Variants in SCFD2 observed in about 807,000 individuals in gnomAD.
SCFD2 encodes the protein sec1 family domain-containing protein 2.
Under a neutral mutation model 58.9 loss-of-function variants are expected in SCFD2, and 54 were observed. The ratio of observed to expected loss-of-function variants is 0.92; its 90% CI spans 0.74 to 1.15. The LOEUF is 1.15. SCFD2 is among the 50% of genes most tolerant of loss of function. The probability of loss-of-function intolerance (pLI) is 0.00; values close to 1 mark genes in which losing one functional copy is unlikely to be tolerated. For synonymous variants in SCFD2, 321 were observed against 335.9 expected, an observed-to-expected ratio of 0.96 and a Z score of 0.49; for missense variants, 805 against 836.6, an observed-to-expected ratio of 0.96 and a Z score of 0.47.
At chr4:53,224,592 T>C (rs1729147154) in intron 4 of SCFD2, among the ~76,000 whole-genome samples, 1 of 152,120 alleles carries the variant, frequency 6.6e-6, no homozygotes, top group African/African-American at 2.4e-5. Context: ...TTGGATCATC[T>C]CTCTACAAGC....
chr4:53,213,356 T>A (rs1377204946), intron 4 of SCFD2, among the ~76,000 whole-genome samples: 1 of 152,070 alleles, frequency 6.6e-6, no homozygotes, highest in Non-Finnish European at 1.5e-5. Flanking sequence ...AAAACCTTCT[T>A]TGTAATAGAG....
intron 4 of SCFD2, among the ~76,000 whole-genome samples, chr4:53,217,936 A>G (rs1327172905): frequency 6.6e-6 from 1 of 152,176 alleles, no homozygotes; most frequent in Non-Finnish European, 1.5e-5. Context: ...TTCTGGGTTG[A>G]AAATCATTTT....
At chr4:53,192,132 C>T (rs1348814364) in intron 4 of SCFD2, among the ~76,000 whole-genome samples, 1 of 152,180 alleles carries the variant, frequency 6.6e-6, no homozygotes, top group Non-Finnish European at 1.5e-5. Context: ...CTTTAAGCAA[C>T]ACCGAAGTTG....
At chr4:53,178,543 T>C (rs931375975) in intron 4 of SCFD2, among the ~76,000 whole-genome samples, 1 of 151,620 alleles carries the variant, frequency 6.6e-6, no homozygotes, top group Admixed American at 6.6e-5. Context: ...ACCACAAAGA[T>C]GGGAAAAAAA....
At chr4:53,089,475 C>A (rs1224686945) in intron 5 of SCFD2, among the ~76,000 whole-genome samples, 2 of 151,996 alleles carry the variant, frequency 1.3e-5, no homozygotes, top group African/African-American at 4.8e-5. Flanking sequence ...AATTAAAATG[C>A]AGGGCTTTTT....
At chr4:53,141,580 A>G (rs1358625716) in intron 5 of SCFD2, among the ~76,000 whole-genome samples, 1 of 152,142 alleles carries the variant, frequency 6.6e-6, no homozygotes, top group African/African-American at 2.4e-5. Context: ...ATGCTTTTAT[A>G]TACATGTACA....
At chr4:53,236,840 ATTTATTTAT>A (rs1214541665) in intron 4 of SCFD2, among the ~76,000 whole-genome samples, 2 of 100,702 alleles carry the variant, frequency 2.0e-5, no homozygotes, top group East Asian at 6.0e-4. Flanking sequence ...TTATTTATTT[ATTTATTTAT>A]TTATTTTTTA....
At chr4:52,996,238 T>A (rs1018017598) in intron 5 of SCFD2, among the ~76,000 whole-genome samples, 4 of 152,102 alleles carry the variant, frequency 2.6e-5, no homozygotes, top group African/African-American at 9.7e-5. Context: ...CCTTTCCAAG[T>A]CTCTCTAGCC....
chr4:53,028,790 A>C (rs886173608), intron 5 of SCFD2, among the ~76,000 whole-genome samples: 5 of 152,312 alleles, frequency 3.3e-5, no homozygotes, highest in African/African-American at 4.8e-5. Flanking sequence ...CAAGCTTGCC[A>C]AACTAAGTTT....
intron 4 of SCFD2, among the ~76,000 whole-genome samples, chr4:53,147,224 G>A (rs192715860): frequency 1.2e-4 from 19 of 152,284 alleles, no homozygotes; most frequent in East Asian, 7.7e-4. Context: ...GAAAAGTCAC[G>A]TTAAAAGGAA....
chr4:53,361,797 T>C (rs1402373034), intron 1 of SCFD2, among the ~76,000 whole-genome samples: 3 of 152,220 alleles, frequency 2.0e-5, no homozygotes, highest in African/African-American at 7.2e-5. Context: ...GACTATTCAG[T>C]GTGCATCGTT....
intron 4 of SCFD2, among the ~76,000 whole-genome samples, chr4:53,231,863 T>G (rs1553889301): frequency 6.6e-6 from 1 of 152,032 alleles, no homozygotes; most frequent in Non-Finnish European, 1.5e-5. Context: ...ACAAAAAATG[T>G]TATATATATA....
chr4:53,284,916 T>C (rs1382868281), intron 3 of SCFD2, among the ~76,000 whole-genome samples: 1 of 152,256 alleles, frequency 6.6e-6, no homozygotes, highest in Non-Finnish European at 1.5e-5. Context: ...GAAGGTTTTC[T>C]GGGACATCCT....
chr4:52,953,312 T>TATAACCTATAGTCAGTATA, intron 5 of SCFD2, among the ~76,000 whole-genome samples: 1 of 152,196 alleles, frequency 6.6e-6, no homozygotes, highest in African/African-American at 2.4e-5. Flanking sequence ...CCTATAGACC[T>TATAACCTATAGTCAGTATA]GGTGTCAGTT....
chr4:53,215,732 A>G (rs1026437778), intron 4 of SCFD2, among the ~76,000 whole-genome samples: 1 of 152,144 alleles, frequency 6.6e-6, no homozygotes, highest in African/African-American at 2.4e-5. Context: ...CCAGTTTTCA[A>G]AGGGAATGCT....
intron 4 of SCFD2, among the ~76,000 whole-genome samples, chr4:53,146,130 A>G (rs1034579311): frequency 1.3e-5 from 2 of 152,182 alleles, no homozygotes; most frequent in Admixed American, 6.5e-5. Flanking sequence ...ACACAGGGTA[A>G]TGGTCACTTA....
intron 7 of SCFD2, among the ~76,000 whole-genome samples, chr4:52,904,714 T>G (rs1298758763): frequency 1.3e-5 from 2 of 152,192 alleles, no homozygotes; most frequent in Non-Finnish European, 2.9e-5. Flanking sequence ...GAATAACATA[T>G]GAGTATATGA....
chr4:53,331,922 C>G (rs1458504248), intron 2 of SCFD2, among the ~76,000 whole-genome samples: 2 of 152,118 alleles, frequency 1.3e-5, no homozygotes, highest in Non-Finnish European at 2.9e-5. Context: ...GATATCACCA[C>G]CAATCCCACA....
chr4:53,130,578 T>C (rs947221475), intron 5 of SCFD2, among the ~76,000 whole-genome samples: 41 of 151,574 alleles, frequency 2.7e-4, no homozygotes, highest in African/African-American at 9.7e-4. Flanking sequence ...CCTTCCCCCA[T>C]CTCCCCTCTC....
Sources: gnomAD v4.1 joint callset for allele counts (sites outside exome capture counted in the v4.1 genomes callset) on GRCh38, gnomAD v4.1.1 for gene constraint, MANE v1.5 for transcripts, NCBI Gene and HGNC (gene_info 2026-07-23, HGNC 2026-07-21) for gene names.